Variants in PTPRD observed in about 807,000 individuals in gnomAD.
PTPRD encodes the protein protein tyrosine phosphatase receptor type D, also known as receptor-type tyrosine-protein phosphatase delta.
Under a neutral mutation model 214.5 loss-of-function variants are expected in PTPRD, and 34 were observed. The observed-to-expected ratio is 0.16, with a 90% CI of 0.12 to 0.21. The LOEUF is 0.21. PTPRD is among the 10% of genes least tolerant of loss of function. The probability of loss-of-function intolerance (pLI) is 1.00; values close to 1 mark genes in which losing one functional copy is unlikely to be tolerated. For synonymous variants in PTPRD, 1,128 were observed against 845.7 expected, an observed-to-expected ratio of 1.33 and a Z score of -5.79; for missense variants, 2,545 against 2,398.7, an observed-to-expected ratio of 1.06 and a Z score of -1.27.
At position 8,404,669 on chromosome 9, in the gene PTPRD, G is replaced by C; in HGVS notation, c.4087-9C>G. 1 of 1,603,372 alleles carries C rather than the reference G, an allele frequency of 6.2e-7. No individual in the cohort carries two copies. Among genetic ancestry groups the C allele is most frequent in the Non-Finnish European group, 8.5e-7 (1 of 1,172,396 alleles). On this transcript the variant is annotated splice_polypyrimidine_tract_variant and intron_variant, in intron 35 of 45. Coordinates refer to ENST00000381196, the MANE Select transcript of PTPRD (RefSeq NM_002839.4). The stretch of plus-strand genomic sequence containing the variant: ...TGGCCAGGGTCAATTGACTTTAAAA[G>C]GAAAACAACACATATACACAAAATC...
At chr9:10,580,412 G>A (rs1416383839) in intron 2 of PTPRD, among the ~76,000 whole-genome samples, 1 of 152,092 alleles carries the variant, frequency 6.6e-6, no homozygotes, top group African/African-American at 2.4e-5. Context: ...ATAAGTCTAT[G>A]TGCCTAGGCA....
In PTPRD at chr9:8,750,407, C is replaced by T. The variant is rs947528573; in HGVS notation, c.-103-16461G>A. 3.9e-5 allele frequency among the ~76,000 whole-genome samples: 6 copies of T among 152,086 alleles called. No individual in the cohort carries two copies. The South Asian group carries it at 8.3e-4, about 21-fold the overall frequency. ...TCCTGACCTCAAGTAATCCACCCACCTTGGCCACCGAAAGTGCTGGGATTA... is the reference window on the plus strand; with the variant it reads ...TCCTGACCTCAAGTAATCCACCCACTTTGGCCACCGAAAGTGCTGGGATTA... On this transcript the variant is annotated intron_variant, in intron 11 of 45. Coordinates refer to ENST00000381196, the MANE Select transcript of PTPRD (RefSeq NM_002839.4).
chr9:9,519,502 AAAG>A (rs759779997), intron 8 of PTPRD, among the ~76,000 whole-genome samples: 6 of 151,982 alleles, frequency 3.9e-5, no homozygotes, highest in Non-Finnish European at 7.4e-5. Context: ...ACCAGGAATA[AAAG>A]AAGAACATAG....
At chr9:10,509,892 T>C (rs2047427357) in intron 2 of PTPRD, among the ~76,000 whole-genome samples, 1 of 151,994 alleles carries the variant, frequency 6.6e-6, no homozygotes, top group Non-Finnish European at 1.5e-5. Flanking sequence ...ATATAAGTTT[T>C]AAAACTATAA....
chr9:9,312,682 C>T (rs1959607552), intron 9 of PTPRD, among the ~76,000 whole-genome samples: 1 of 152,106 alleles, frequency 6.6e-6, no homozygotes, highest in South Asian at 2.1e-4. Context: ...GTGCCCTGAG[C>T]TGCCAAGATA....
At chr9:8,730,978 C>A (rs1002695827) in intron 12 of PTPRD, among the ~76,000 whole-genome samples, 7 of 152,176 alleles carry the variant, frequency 4.6e-5, no homozygotes, top group Admixed American at 3.9e-4. Context: ...AAACACACGT[C>A]TAGCTTTTTC....
intron 12 of PTPRD, among the ~76,000 whole-genome samples, chr9:8,655,033 A>T (rs995824822): frequency 2.6e-5 from 4 of 152,210 alleles, no homozygotes; most frequent in Non-Finnish European, 5.9e-5. Context: ...ATTCCTAAAC[A>T]TAACTTGTAA....
intron 3 of PTPRD, among the ~76,000 whole-genome samples, chr9:10,144,571 C>G (rs947006646): frequency 6.6e-6 from 1 of 152,086 alleles, no homozygotes; most frequent in Non-Finnish European, 1.5e-5. Flanking sequence ...CTGCCACACT[C>G]TCATTAAAAC....
chr9:9,832,299 C>T (rs1024665989), intron 5 of PTPRD, among the ~76,000 whole-genome samples: 1 of 151,788 alleles, frequency 6.6e-6, no homozygotes, highest in African/African-American at 2.4e-5. Flanking sequence ...GCATAGCAGG[C>T]AACACAGCCT....
chr9:8,847,847 CA>C (rs1311215423), intron 11 of PTPRD, among the ~76,000 whole-genome samples: 1 of 152,014 alleles, frequency 6.6e-6, no homozygotes, highest in Non-Finnish European at 1.5e-5. Flanking sequence ...TTATAATTAA[CA>C]AAAGTTTCTC....
At chr9:8,989,732 T>C (rs2099359108) in intron 11 of PTPRD, among the ~76,000 whole-genome samples, 1 of 152,130 alleles carries the variant, frequency 6.6e-6, no homozygotes, top group African/African-American at 2.4e-5. Context: ...TTTAAAAAAA[T>C]TATAAGCGAT....
intron 14 of PTPRD, among the ~76,000 whole-genome samples, chr9:8,625,446 A>G (rs1043036054): frequency 6.6e-6 from 1 of 151,856 alleles, no homozygotes; most frequent in Non-Finnish European, 1.5e-5. Context: ...AGAAAGGTAG[A>G]AAATATCTAA....
At chr9:9,413,350 A>G (rs955287313) in intron 8 of PTPRD, among the ~76,000 whole-genome samples, 14 of 150,364 alleles carry the variant, frequency 9.3e-5, no homozygotes, top group Middle Eastern at 3.4e-3. Flanking sequence ...TCCTGACCTC[A>G]TGATCCACCC....
chr9:9,402,984 AAAAAACAC>A (rs1015743341), intron 8 of PTPRD, among the ~76,000 whole-genome samples: 1 of 147,194 alleles, frequency 6.8e-6, no homozygotes, highest in African/African-American at 2.5e-5. Context: ...AAAAAAAAAA[AAAAAACAC>A]CAAAAAAAAA....
intron 3 of PTPRD, among the ~76,000 whole-genome samples, chr9:10,337,602 A>C (rs2154441102): frequency 6.6e-6 from 1 of 151,898 alleles, no homozygotes; most frequent in East Asian, 1.9e-4. Context: ...GGAATTTAAA[A>C]AAACCAACAG....
chr9:10,354,393 G>T (rs1298308407), intron 2 of PTPRD, among the ~76,000 whole-genome samples: 1 of 152,124 alleles, frequency 6.6e-6, no homozygotes, highest in African/African-American at 2.4e-5. Context: ...AAGGCTAAGA[G>T]AATCAATCAA....
intron 11 of PTPRD, among the ~76,000 whole-genome samples, chr9:8,902,971 T>C (rs2098682082): frequency 6.6e-6 from 1 of 152,102 alleles, no homozygotes. Flanking sequence ...TCACAAGTTT[T>C]TGGGAAGTAA....
intron 5 of PTPRD, among the ~76,000 whole-genome samples, chr9:9,814,021 C>G (rs953365452): frequency 1.6e-4 from 24 of 152,058 alleles, no homozygotes; most frequent in African/African-American, 4.3e-4. Flanking sequence ...GTTTTGTACA[C>G]TACACTAACA....
At chr9:8,341,343 C>T in intron 40 of PTPRD, 75 bp from the exon 41 acceptor site, 1 of 1,416,984 alleles carries the variant, frequency 7.1e-7, no homozygotes, top group South Asian at 1.4e-5. Context: ...TGCAGTGTAC[C>T]CCAGATTTCC....
Sources: allele counts gnomAD v4.1 joint callset (sites outside exome capture counted in the v4.1 genomes callset), GRCh38; gene constraint gnomAD v4.1.1; transcripts MANE v1.5; gene names NCBI Gene and HGNC (gene_info 2026-07-23, HGNC 2026-07-21).